The following TDG variants were observed in gnomAD, a reference collection of about 807,000 sequenced individuals.
TDG encodes the protein G/T mismatch-specific thymine DNA glycosylase.
In TDG, 23 loss-of-function variants were observed where a neutral mutation model predicts 46.1. That is an observed-to-expected ratio of 0.50 (90% confidence interval 0.36 to 0.71). The LOEUF (loss-of-function observed/expected upper bound fraction) is 0.71, where lower values mean the gene tolerates loss of function less well. Among genes scored for constraint, TDG ranks in the 30% least tolerant of loss-of-function variants. The probability of loss-of-function intolerance (pLI) is 0.00; values close to 1 mark genes in which losing one functional copy is unlikely to be tolerated. For synonymous variants in TDG, 115 were observed against 161.3 expected, an observed-to-expected ratio of 0.71 and a Z score of 2.18; for missense variants, 304 against 486.7, an observed-to-expected ratio of 0.62 and a Z score of 3.53.
Position 103,985,720 on chromosome 12 carries a change from AT to A in TDG, c.1083del (p.Asn361LysfsTer3). 1 of 1,613,088 alleles carries A rather than the reference AT, an allele frequency of 6.2e-7. No individual in the cohort carries two copies. The highest frequency in any genetic ancestry group is 8.5e-7 in the Non-Finnish European group (1 of 1,179,448). ...AGTGAACCTTGTGGCTTCTCTTCAA[AT>A]GGGCTAAGTATGGTTCCCTCCACAT... ...CSSEPCGFSS[N>X]GLIESVELRG... On this transcript the variant is annotated frameshift_variant, in exon 9 of 10. Transcript: ENST00000392872. LOFTEE classifies it low-confidence loss of function (END_TRUNC).
intron 2 of TDG, among the ~76,000 whole-genome samples, chr12:103,978,379 G>A (rs1418808411): frequency 1.3e-5 from 2 of 152,142 alleles, no homozygotes; most frequent in Non-Finnish European, 2.9e-5. Context: ...AGGTTCCAGG[G>A]GTGGGAGAGT....
intron 8 of TDG, among the ~76,000 whole-genome samples, 165 bp from the exon 9 acceptor site, chr12:103,985,438 C>A (rs1035432207): frequency 6.6e-6 from 1 of 151,922 alleles, no homozygotes; most frequent in Admixed American, 6.6e-5. Context: ...TTTTACAGTT[C>A]TTATGTGTTT....
At chr12:103,984,282 T>TGTGTCA (rs1352477465) in intron 7 of TDG, among the ~76,000 whole-genome samples, 2 of 152,166 alleles carry the variant, frequency 1.3e-5, no homozygotes, top group African/African-American at 2.4e-5. Flanking sequence ...TGTAGAGTAC[T>TGTGTCA]GTGTCATTCT....
rs1314102565 is a variant in TDG, at chr12:103,987,560, T to C, written c.*470T>C. On this transcript the variant is annotated 3_prime_UTR_variant, in exon 10 of 10. Transcript: ENST00000392872. ...CCTCAGTGGAGTCTCATTTGTTAGT[T>C]TTTAGTGGTAACTAAGGGTAAACTC... is the stretch of plus-strand genomic sequence containing the variant. 6.4e-6 allele frequency: 1 copy of C among 155,882 alleles called. No individual in the cohort carries two copies. The highest frequency in any genetic ancestry group is 1.4e-5 in the Non-Finnish European group (1 of 69,896). The allele number at this position is 155,882 out of a possible 1,614,324, so 9.7% of individuals were successfully genotyped here. A position where few individuals can be genotyped will look rare whatever the true frequency, so the allele number is the denominator to read the frequency against.
At chr12:103,976,233 T>C (rs745596359) in intron 1 of TDG, among the ~76,000 whole-genome samples, 1 of 152,034 alleles carries the variant, frequency 6.6e-6, no homozygotes, top group Non-Finnish European at 1.5e-5. Context: ...GGCAAAACCC[T>C]GTCTAGACAA....
chr12:103,978,458 G>C (rs567162219), intron 2 of TDG, among the ~76,000 whole-genome samples: 15 of 152,194 alleles, frequency 9.9e-5, no homozygotes, highest in Non-Finnish European at 1.5e-5. Context: ...CAGGGTTTTG[G>C]TTTATGATTG....
chr12:103,982,662 G>A (rs999350043), intron 4 of TDG, 137 bp from the exon 5 acceptor site: 21 of 739,212 alleles, frequency 2.8e-5, no homozygotes, highest in Non-Finnish European at 3.9e-5. Context: ...CCACTCAGGA[G>A]GCTGAAGTGG....
At chr12:103,982,973 G>A (rs1409018699) in intron 5 of TDG, 39 bp downstream of exon 5, 1 of 1,609,206 alleles carries the variant, frequency 6.2e-7, no homozygotes, top group East Asian at 2.2e-5. Flanking sequence ...TTGGAACCTT[G>A]AGTATGCTGG....
In TDG at chr12:103,986,978, C is replaced by T. The variant is rs985986171; in HGVS notation, c.1121C>T (p.Ala374Val). 2 of 1,614,250 alleles carry T rather than the reference C, an allele frequency of 1.2e-6. No individual in the cohort carries two copies. Among genetic ancestry groups the T allele is most frequent in the African/African-American group, 2.7e-5 (2 of 75,078 alleles). ...IESVELRGES[A>V]FSGIPNGQWM... Reference sequence around the variant, plus strand: ...AGCGTGGAGTTAAGAGGAGAATCAGCTTTCAGTGGCATTCCTAATGGGCAG... The same window carrying T: ...AGCGTGGAGTTAAGAGGAGAATCAGTTTTCAGTGGCATTCCTAATGGGCAG... The change falls in exon 10 of 10, where the codon GCT becomes GTT. Residue 374 changes from alanine (A) to valine (V), a missense_variant. By Grantham distance (64) the Ala-to-Val change is moderately conservative (BLOSUM62 0). Transcript: ENST00000392872.
chr12:103,980,814 G>T, intron 3 of TDG, 79 bp from the exon 4 acceptor site: 1 of 1,260,648 alleles, frequency 7.9e-7, no homozygotes, highest in East Asian at 2.3e-5. Context: ...ACTCAATTTT[G>T]TCCACCACTC....
chr12:103,966,075 A>T lies in TDG; in HGVS notation c.23+15A>T. 6.4e-7 allele frequency: 1 copy of T among 1,568,634 alleles called. No homozygotes were observed. Among genetic ancestry groups the T allele is most frequent in the South Asian group, 1.2e-5 (1 of 86,316 alleles). ...AACGCGGGCAGGTAATACCGGGGCCAGCGCCGCCCCTCCCTTGCGCCCCTC... is the reference window on the plus strand; with the variant it reads ...AACGCGGGCAGGTAATACCGGGGCCTGCGCCGCCCCTCCCTTGCGCCCCTC... On this transcript the variant is annotated intron_variant, in intron 1 of 9. Transcript: ENST00000392872.
At chr12:103,977,164 C>A (rs1441119739) in intron 2 of TDG, 104 bp downstream of exon 2, 2 of 1,471,320 alleles carry the variant, frequency 1.4e-6, no homozygotes, top group Non-Finnish European at 1.8e-6. Context: ...GTTAAAAAGT[C>A]AAATCCACTT....
intron 8 of TDG, 64 bp downstream of exon 8, chr12:103,984,984 CA>C (rs1872048846): frequency 7.9e-7 from 1 of 1,259,486 alleles, no homozygotes; most frequent in Admixed American, 2.5e-5. Flanking sequence ...TATATACTTA[CA>C]TATATATACA....
intron 9 of TDG, 155 bp from the exon 10 acceptor site, chr12:103,986,793 G>T: frequency 1.5e-6 from 1 of 688,796 alleles, no homozygotes; most frequent in Non-Finnish European, 2.4e-6. Context: ...GCTAGGATGG[G>T]AGGATCACTC....
At chr12:103,979,714 G>C in intron 2 of TDG, 117 bp from the exon 3 acceptor site, 1 of 1,298,964 alleles carries the variant, frequency 7.7e-7, no homozygotes, top group Admixed American at 2.9e-5. Flanking sequence ...GGGACTGTAA[G>C]AGCTTAATTT....
intron 2 of TDG, among the ~76,000 whole-genome samples, chr12:103,978,045 T>C (rs1242006304): frequency 6.6e-6 from 1 of 151,072 alleles, no homozygotes; most frequent in African/African-American, 2.4e-5. Flanking sequence ...TGGGCAATAG[T>C]GCGAGACTCT....
chr12:103,980,621 C>G (rs1593515074), intron 3 of TDG: 1 of 324,910 alleles, frequency 3.1e-6, no homozygotes, highest in East Asian at 6.0e-5. Flanking sequence ...TCAAAGCAGC[C>G]CAGTTGGTGA....
chr12:103,971,128 T>A (rs1363478561), intron 1 of TDG, among the ~76,000 whole-genome samples: 1 of 152,198 alleles, frequency 6.6e-6, no homozygotes, highest in Non-Finnish European at 1.5e-5. Flanking sequence ...TGAGCATCCT[T>A]AGATATTGGT....
chr12:103,977,106 A>G (rs1871581131), intron 2 of TDG, 46 bp downstream of exon 2: 2 of 1,569,604 alleles, frequency 1.3e-6, no homozygotes, highest in East Asian at 4.5e-5. Context: ...CGGATCAGCC[A>G]GCTTATTTGA....
Sources: gnomAD v4.1 joint callset for allele counts (sites outside exome capture counted in the v4.1 genomes callset) on GRCh38, gnomAD v4.1.1 for gene constraint, MANE v1.5 for transcripts, NCBI Gene and HGNC (gene_info 2026-07-23, HGNC 2026-07-21) for gene names.